Variants in NPTN observed in about 807,000 individuals in gnomAD.
NPTN encodes neuroplastin, also known as SDR-1.
In NPTN, 5 loss-of-function variants were observed where a neutral mutation model predicts 42.7. The ratio of observed to expected loss-of-function variants is 0.12; its 90% CI spans 0.06 to 0.25. NPTN has a LOEUF of 0.25. Among genes scored for constraint, NPTN ranks in the 10% least tolerant of loss-of-function variants. NPTN has a pLI of 1.00. For missense variants in NPTN, 307 were observed against 525.4 expected (o/e 0.58, Z 4.06); for synonymous variants, 180 against 201.9 (o/e 0.89, Z 0.92).
At chr15:73,609,217 C>T (rs1425418004) in intron 1 of NPTN, among the ~76,000 whole-genome samples, 5 of 152,174 alleles carry the variant, frequency 3.3e-5, no homozygotes, top group Non-Finnish European at 7.3e-5. Context: ...TATTACTTTG[C>T]TTCAGAAGAC....
At chr15:73,619,565 G>T (rs1898031173) in intron 1 of NPTN, among the ~76,000 whole-genome samples, 2 of 152,122 alleles carry the variant, frequency 1.3e-5, no homozygotes, top group Admixed American at 6.5e-5. Context: ...CTGCTACCTG[G>T]ATACATTAAT....
intron 1 of NPTN, among the ~76,000 whole-genome samples, chr15:73,608,199 T>C (rs549224286): frequency 1.3e-5 from 2 of 152,348 alleles, no homozygotes; most frequent in East Asian, 3.9e-4. Context: ...AGGTCCTGTT[T>C]ACCAAGGACT....
chr15:73,563,093 T>C lies in NPTN; in HGVS notation c.1136+143A>G, dbSNP rs1298688236. The C allele has an allele frequency of 1.7e-5, 11 of 653,010 alleles. No homozygotes were observed. The East Asian group carries it at 2.8e-4, about 16-fold the overall frequency. 40.5% of individuals were successfully genotyped at this position (653,010 alleles called of 1,614,324 possible). Reference sequence around the variant, plus strand: ...ATCAAGTGGTTTTTAGTCAGATCTGTGTCAAGCTAAGAAATCTACACTGCA... The same window carrying C: ...ATCAAGTGGTTTTTAGTCAGATCTGCGTCAAGCTAAGAAATCTACACTGCA... On this transcript the variant is annotated intron_variant, in intron 7 of 8. Coordinates refer to ENST00000345330, the MANE Select transcript of NPTN (RefSeq NM_012428.4).
chr15:73,581,663 C>T (rs1896051111), intron 4 of NPTN, among the ~76,000 whole-genome samples: 1 of 152,180 alleles, frequency 6.6e-6, no homozygotes, highest in Non-Finnish European at 1.5e-5. Flanking sequence ...TGCTACCCAA[C>T]CTGATGCACT....
rs1366079800 is a variant in NPTN at position 73,607,308 on chromosome 15, T to C, written c.92-9939A>G. On this transcript the variant is annotated intron_variant, in intron 1 of 8. Coordinates refer to ENST00000345330, the MANE Select transcript of NPTN (RefSeq NM_012428.4). The stretch of plus-strand genomic sequence containing the variant: ...AAAAGCTAATCTTTGCCAAACTTTT[T>C]CTGTGAAATGCACCTGTCTATAAAT... Among the ~76,000 whole-genome samples the C allele has an allele frequency of 3.3e-5, 5 of 152,214 alleles. No individual in the cohort carries two copies. In the East Asian group the frequency reaches 9.6e-4, roughly 29 times the overall value.
intron 1 of NPTN, among the ~76,000 whole-genome samples, chr15:73,628,813 T>C (rs62004596): frequency 0.016 from 2,501 of 152,226 alleles, 25 homozygotes; most frequent in Non-Finnish European, 0.029. Context: ...TAATATAATG[T>C]TGCTTTTTAT....
chr15:73,570,344 A>C lies in NPTN; in HGVS notation c.920T>G (p.Ile307Ser). The C allele has an allele frequency of 1.2e-6, 2 of 1,614,140 alleles. No homozygotes were observed. Among genetic ancestry groups the C allele is most frequent in the Non-Finnish European group, 1.7e-6 (2 of 1,180,024 alleles). ...YTELNIVNLQ[I>S]TEDPGEYECN... ...TTCATACTCGCCAGGGTCTTCCGTGATCTGCAGGTTCACAATGTTCAACTC... is the reference window on the plus strand; with the variant it reads ...TTCATACTCGCCAGGGTCTTCCGTGCTCTGCAGGTTCACAATGTTCAACTC... The change falls in exon 6 of 9, where the codon ATC becomes AGC. Residue 307 changes from isoleucine (I) to serine (S), a missense_variant. By Grantham distance (142) the Ile-to-Ser change is moderately radical (BLOSUM62 -2). This residue lies in a region of NPTN where 264 missense variants were observed against 491.1 expected (regional missense o/e 0.54). Transcript: ENST00000345330. This position sits in a 1 kb window ranked among gnomAD's most constrained non-coding sequence, Gnocchi z 4.0.
rs1198929027 is a variant in NPTN at position 73,568,311 on chromosome 15, A to G, written c.1114+1839T>C. On this transcript the variant is annotated intron_variant, in intron 6 of 8. Transcript: ENST00000345330. ...ACCAGTGGCAGCCAGCCTTGCCTTA[A>G]AATTTAAAAATCAGGTTCTGAAGTC... is the stretch of plus-strand genomic sequence containing the variant. 4.1e-6 allele frequency: 4 copies of G among 985,310 alleles called. No individual in the cohort carries two copies. The African/African-American group carries it at 7.0e-5, about 17-fold the overall frequency. 61.0% of individuals were successfully genotyped at this position (985,310 alleles called of 1,614,324 possible).
chr15:73,570,139 G>A lies in NPTN; in HGVS notation c.1114+11C>T. On this transcript the variant is annotated intron_variant, in intron 6 of 8. Coordinates refer to ENST00000345330, the MANE Select transcript of NPTN (RefSeq NM_012428.4). This position sits in a 1 kb window ranked among gnomAD's most constrained non-coding sequence, Gnocchi z 4.0. Reference sequence around the variant, plus strand: ...CCCAGCAGTACAGCTATTTTGTAGGGATGCTCTTACCGTCAGGAACCTCAT... The same window carrying A: ...CCCAGCAGTACAGCTATTTTGTAGGAATGCTCTTACCGTCAGGAACCTCAT... 1 of 1,593,194 alleles carries A rather than the reference G, an allele frequency of 6.3e-7. No individual in the cohort carries two copies. Among genetic ancestry groups the A allele is most frequent in the South Asian group, 1.1e-5 (1 of 88,052 alleles).
chr15:73,614,142 T>C (rs370254089), intron 1 of NPTN, among the ~76,000 whole-genome samples: 1 of 145,900 alleles, frequency 6.9e-6, no homozygotes, highest in African/African-American at 2.5e-5. Context: ...CAAAACCTCA[T>C]CTCTACAAAA....
chr15:73,564,872 A>G (rs1470807257), intron 6 of NPTN, among the ~76,000 whole-genome samples: 1 of 152,224 alleles, frequency 6.6e-6, no homozygotes, highest in Non-Finnish European at 1.5e-5. Flanking sequence ...AATGCAAGAG[A>G]GCCGAATCAA....
At chr15:73,578,870 G>A (rs987272339) in intron 4 of NPTN, among the ~76,000 whole-genome samples, 2 of 151,836 alleles carry the variant, frequency 1.3e-5, no homozygotes, top group African/African-American at 2.4e-5. Flanking sequence ...GCAGGTGCCT[G>A]TAATCCCAGC....
At chr15:73,616,238 T>C (rs1897856173) in intron 1 of NPTN, among the ~76,000 whole-genome samples, 1 of 152,090 alleles carries the variant, frequency 6.6e-6, no homozygotes, top group African/African-American at 2.4e-5. Context: ...AAAACACTCT[T>C]ATGCAAAAAC....
intron 6 of NPTN, chr15:73,567,338 T>C (rs1895087276): frequency 1.6e-5 from 16 of 985,246 alleles, no homozygotes; most frequent in Non-Finnish European, 1.9e-5. Flanking sequence ...ATTCCCATTT[T>C]CCTAATGGTA....
chr15:73,563,525 G>A, intron 6 of NPTN: 9 of 1,276,540 alleles, frequency 7.1e-6, no homozygotes, highest in South Asian at 1.9e-5. Context: ...CAACTGTAGC[G>A]GACAGATAGG....
At chr15:73,580,149 G>T (rs961287800) in intron 4 of NPTN, among the ~76,000 whole-genome samples, 1 of 151,740 alleles carries the variant, frequency 6.6e-6, no homozygotes, top group African/African-American at 2.4e-5. Flanking sequence ...TGTGAATCCA[G>T]AGACTATGCT....
chr15:73,569,707 T>TA lies in NPTN; in HGVS notation c.1114+442dup. 1 of 985,442 alleles carries TA rather than the reference T, an allele frequency of 1.0e-6. No individual in the cohort carries two copies. The highest frequency in any genetic ancestry group is 1.2e-6 in the Non-Finnish European group (1 of 829,936). The allele number at this position is 985,442 out of a possible 1,614,324, so 61.0% of individuals were successfully genotyped here. Reference sequence around the variant, plus strand: ...ACCAGGCAACCATGTGACAACCAGTTAGATACCTTAAATCTGCCTGAAAGG... The same window carrying TA: ...ACCAGGCAACCATGTGACAACCAGTTAAGATACCTTAAATCTGCCTGAAAGG... On this transcript the variant is annotated intron_variant, in intron 6 of 8. Coordinates refer to ENST00000345330, the MANE Select transcript of NPTN (RefSeq NM_012428.4). This position sits in a 1 kb window ranked among gnomAD's most constrained non-coding sequence, Gnocchi z 4.1.
rs920867351 is a variant in NPTN at position 73,560,512 on chromosome 15, A to C, written c.*551T>G. 1 of 152,388 alleles carries C rather than the reference A, an allele frequency of 6.6e-6. No homozygotes were observed. The highest frequency in any genetic ancestry group is 1.5e-5 in the Non-Finnish European group (1 of 67,990). The allele number at this position is 152,388 out of a possible 1,614,324, so 9.4% of individuals were successfully genotyped here. The stretch of plus-strand genomic sequence containing the variant: ...TATATTACTCATCTTTATGTACCAG[A>C]ACTGCACAATTTCCTCATCTGACAA... On this transcript the variant is annotated 3_prime_UTR_variant, in exon 9 of 9. Coordinates refer to ENST00000345330, the MANE Select transcript of NPTN (RefSeq NM_012428.4).
At chr15:73,591,447 ACCATCCT>A (rs1209784291) in intron 3 of NPTN, among the ~76,000 whole-genome samples, 1 of 152,148 alleles carries the variant, frequency 6.6e-6, no homozygotes, top group African/African-American at 2.4e-5. Context: ...TTTCCAGGCT[ACCATCCT>A]CAATCCAGAT....
Sources: gnomAD v4.1 joint callset for allele counts (sites outside exome capture counted in the v4.1 genomes callset) on GRCh38, gnomAD v4.1.1 for gene constraint, gnomAD v4.1.1 regional missense constraint, Gnocchi (gnomAD v3.1) non-coding constraint, MANE v1.5 for transcripts, NCBI Gene and HGNC (gene_info 2026-07-23, HGNC 2026-07-21) for gene names.